Variants in LAMA3 observed in about 807,000 individuals in gnomAD.
LAMA3 encodes the protein laminin subunit alpha-3.
LAMA3 carries 281 observed loss-of-function variants against 402.0 expected under a neutral mutation model. The ratio of observed to expected loss-of-function variants is 0.70; its 90% CI spans 0.63 to 0.77. LAMA3 has a LOEUF of 0.77. Ranked by LOEUF, LAMA3 falls within the 30% of genes least tolerant of loss-of-function variation. LAMA3 has a pLI of 0.00. For synonymous variants in LAMA3, 1,431 were observed against 1,558.4 expected (o/e 0.92, Z 1.93); for missense variants, 3,840 against 4,215.5 (o/e 0.91, Z 2.47).
At chr18:23,707,017 G>C (rs1220740456) in intron 1 of LAMA3, among the ~76,000 whole-genome samples, 9 of 152,250 alleles carry the variant, frequency 5.9e-5, no homozygotes, top group Non-Finnish European at 8.8e-5. Context: ...GGCAGAGGTT[G>C]CAGTGAGCCA....
At chr18:23,812,029 A>G (rs2144298862) in intron 13 of LAMA3, among the ~76,000 whole-genome samples, 1 of 151,990 alleles carries the variant, frequency 6.6e-6, no homozygotes, top group Non-Finnish European at 1.5e-5. Flanking sequence ...ATGTGCCACC[A>G]TGCCTAGCTA....
At chr18:23,897,115 A>G (rs777731508) in intron 44 of LAMA3, among the ~76,000 whole-genome samples, 37 of 152,214 alleles carry the variant, frequency 2.4e-4, no homozygotes, top group Admixed American at 7.2e-4. Context: ...TCAAACAAGA[A>G]GAGGTAGATA....
chr18:23,856,083 C>G (rs1247619398), intron 32 of LAMA3, among the ~76,000 whole-genome samples: 1 of 152,170 alleles, frequency 6.6e-6, no homozygotes, highest in Non-Finnish European at 1.5e-5. Flanking sequence ...ATATTGTTAC[C>G]TCCATTTTTA....
chr18:23,816,852 G>C (rs1174416239), intron 18 of LAMA3, among the ~76,000 whole-genome samples: 1 of 152,108 alleles, frequency 6.6e-6, no homozygotes, highest in Admixed American at 6.5e-5. Flanking sequence ...CAGGGAGAGA[G>C]GGAATAAGAG....
In LAMA3 at chr18:23,777,626, A is replaced by G. The variant is rs1192493810; in HGVS notation, c.1468+7A>G. 1.9e-6 allele frequency: 3 copies of G among 1,602,262 alleles called. No homozygotes were observed. The highest frequency in any genetic ancestry group is 2.7e-5 in the African/African-American group (2 of 74,658). ...GTAGCTGGAGATATAAAAGGCAAGT[A>G]ACCTCCCTTTTGGTTTAACTCCAGT... On this transcript the variant is annotated splice_region_variant and intron_variant, in intron 11 of 74. Transcript: ENST00000313654.
chr18:23,795,836 G>A (rs1598809982), intron 12 of LAMA3, among the ~76,000 whole-genome samples: 1 of 152,074 alleles, frequency 6.6e-6, no homozygotes, highest in Admixed American at 6.5e-5. Flanking sequence ...ATTATGGACT[G>A]AATTGTGTCC....
chr18:23,917,558 C>T (rs2081678449), intron 60 of LAMA3, among the ~76,000 whole-genome samples: 1 of 152,086 alleles, frequency 6.6e-6, no homozygotes, highest in African/African-American at 2.4e-5. Flanking sequence ...TCATAATTCC[C>T]TTTTTGACCA....
chr18:23,895,088 G>T (rs370887047), intron 44 of LAMA3, 30 bp downstream of exon 44: 4 of 1,563,858 alleles, frequency 2.6e-6, no homozygotes, highest in East Asian at 2.4e-5. Context: ...GAGTAGACAC[G>T]TGGGGAGGAG....
At chr18:23,763,623 G>C in intron 8 of LAMA3, 100 bp downstream of exon 8, 12 of 817,042 alleles carry the variant, frequency 1.5e-5, no homozygotes, top group South Asian at 6.7e-5. Flanking sequence ...GCAGGCAATC[G>C]TAAGAGTTTT....
chr18:23,916,899 G>T (rs2081647243), intron 60 of LAMA3, among the ~76,000 whole-genome samples: 1 of 151,590 alleles, frequency 6.6e-6, no homozygotes, highest in Non-Finnish European at 1.5e-5. Flanking sequence ...TAGTTTCAGG[G>T]GTGCAGGTGC....
chr18:23,845,757 C>T (rs1277776904), intron 30 of LAMA3, among the ~76,000 whole-genome samples: 1 of 152,174 alleles, frequency 6.6e-6, no homozygotes, highest in African/African-American at 2.4e-5. Flanking sequence ...GAATGCTGCT[C>T]AGCCACTCCA....
intron 54 of LAMA3, 90 bp downstream of exon 54, chr18:23,908,025 G>C: frequency 7.7e-7 from 1 of 1,301,002 alleles, no homozygotes. Context: ...GGTAAAGTCT[G>C]ATCTCAGAAA....
intron 2 of LAMA3, among the ~76,000 whole-genome samples, chr18:23,720,783 T>TATGG (rs2061196841): frequency 6.6e-6 from 1 of 152,318 alleles, no homozygotes; most frequent in South Asian, 2.1e-4. Context: ...CTTTAGTAAC[T>TATGG]TCAAAGTGTT....
intron 66 of LAMA3, 108 bp downstream of exon 66, chr18:23,932,399 A>C: frequency 8.4e-7 from 1 of 1,194,484 alleles, no homozygotes; most frequent in South Asian, 1.2e-5. Context: ...GTGCTGCACG[A>C]GACCCGCATA....
At chr18:23,894,586 A>C (rs2080808499) in intron 43 of LAMA3, among the ~76,000 whole-genome samples, 1 of 152,184 alleles carries the variant, frequency 6.6e-6, no homozygotes, top group African/African-American at 2.4e-5. Context: ...CCTACCTTAT[A>C]GGGATATTAG....
At chr18:23,717,535 A>G (rs1420219759) in intron 2 of LAMA3, among the ~76,000 whole-genome samples, 7 of 137,076 alleles carry the variant, frequency 5.1e-5, no homozygotes, top group Non-Finnish European at 7.8e-5. Context: ...TACCTTCTGG[A>G]CTTGATCTTT....
chr18:23,783,763 G>A lies in LAMA3; in HGVS notation c.1469-260G>A, dbSNP rs571186432. Among the ~76,000 whole-genome samples, 3 of 151,964 alleles carry A rather than the reference G, an allele frequency of 2.0e-5. No homozygotes were observed. The East Asian group carries it at 5.8e-4, about 29-fold the overall frequency. On this transcript the variant is annotated intron_variant, in intron 11 of 74. Coordinates refer to ENST00000313654, the MANE Select transcript of LAMA3 (RefSeq NM_198129.4). ...CTCGGCTTTAGAGGGAAAATAAAATGTTTCCACAGGAATAGATGTTAAAAG... is the reference window on the plus strand; with the variant it reads ...CTCGGCTTTAGAGGGAAAATAAAATATTTCCACAGGAATAGATGTTAAAAG...
rs1418005009 is a variant in LAMA3, at chr18:23,907,918, C to A, written c.6998C>A (p.Thr2333Asn). 6.2e-7 allele frequency: 1 copy of A among 1,613,896 alleles called. No individual in the cohort carries two copies. The highest frequency in any genetic ancestry group is 1.7e-5 in the Admixed American group (1 of 60,026). ...AACGAAGACTTCAAAAAGGCTCTGA[C>A]TGATGCAGATAACTCGGGTATCAGG... ...TQNEDFKKALTDADNSVNKLT... is the reference protein window; with the variant it reads ...TQNEDFKKALNDADNSVNKLT... The change falls in exon 54 of 75, where the codon ACT becomes AAT. Residue 2333 changes from threonine to asparagine, a missense_variant. Physicochemically the swap from Thr to Asn is moderately conservative, Grantham distance 65 (BLOSUM62 0). Around this residue, in one of 3 missense-constraint regions of LAMA3, gnomAD observed 891 missense variants for 857.5 expected, o/e 1.04. Coordinates refer to ENST00000313654, the MANE Select transcript of LAMA3 (RefSeq NM_198129.4).
At chr18:23,869,854 G>A (rs1172103535) in intron 37 of LAMA3, among the ~76,000 whole-genome samples, 2 of 152,118 alleles carry the variant, frequency 1.3e-5, no homozygotes, top group Non-Finnish European at 2.9e-5. Context: ...GGATCACGAG[G>A]TCAGGAGATT....
Sources: allele counts gnomAD v4.1 joint callset (sites outside exome capture counted in the v4.1 genomes callset), GRCh38; gene constraint gnomAD v4.1.1; regional missense constraint gnomAD v4.1.1; transcripts MANE v1.5; gene names NCBI Gene and HGNC (gene_info 2026-07-23, HGNC 2026-07-21).